Variants in DYRK4 observed in about 807,000 individuals in gnomAD.
DYRK4 encodes dual specificity tyrosine phosphorylation regulated kinase 4.
A neutral mutation model predicts 68.3 loss-of-function variants in DYRK4; 64 were observed. That is an observed-to-expected ratio of 0.94 (90% confidence interval 0.77 to 1.15). The LOEUF is 1.15. Among genes scored for constraint, DYRK4 ranks in the 50% most tolerant of loss-of-function variants. The pLI, the probability that DYRK4 is intolerant of heterozygous loss-of-function variation, is 0.00. For synonymous variants in DYRK4, 274 were observed against 289.9 expected (o/e 0.95, Z 0.56); for missense variants, 740 against 764.7 (o/e 0.97, Z 0.38).
chr12:4,574,770 C>T (rs1479950439), intron 2 of DYRK4, among the ~76,000 whole-genome samples: 1 of 152,228 alleles, frequency 6.6e-6, no homozygotes, highest in African/African-American at 2.4e-5. Context: ...CAGGTTGGAG[C>T]GCAGTGGTGC....
chr12:4,590,103 CTAG>C, intron 3 of DYRK4: 1 of 1,259,826 alleles, frequency 7.9e-7, no homozygotes, highest in Non-Finnish European at 1.0e-6. Context: ...AAGCCTGCAG[CTAG>C]TAAGTAGTAG....
intron 12 of DYRK4, 110 bp from the exon 13 acceptor site, chr12:4,610,045 T>G: frequency 1.2e-6 from 1 of 833,370 alleles, no homozygotes. Context: ...ATGAGGCGAG[T>G]GTGTAAGACA....
At chr12:4,577,263 C>T (rs1271086105) in intron 2 of DYRK4, among the ~76,000 whole-genome samples, 2 of 152,002 alleles carry the variant, frequency 1.3e-5, no homozygotes, top group African/African-American at 4.8e-5. Context: ...TTTAATAAGT[C>T]TTGCTACATT....
intron 2 of DYRK4, among the ~76,000 whole-genome samples, chr12:4,586,653 C>G (rs1212025066): frequency 6.6e-6 from 1 of 151,804 alleles, no homozygotes; most frequent in Non-Finnish European, 1.5e-5. Flanking sequence ...GTAGAGGCCA[C>G]CAGTCCTCGG....
chr12:4,579,645 G>A (rs575702867), intron 2 of DYRK4, among the ~76,000 whole-genome samples: 2 of 152,258 alleles, frequency 1.3e-5, no homozygotes, highest in Admixed American at 6.5e-5. Context: ...TATCTAAATC[G>A]ATAGAAATAG....
chr12:4,596,526 GGACCT>G, intron 7 of DYRK4, 58 bp from the exon 8 acceptor site: 2 of 1,578,890 alleles, frequency 1.3e-6, no homozygotes, highest in Non-Finnish European at 1.7e-6. Context: ...TGCTGCAGCG[GGACCT>G]GACACTGATG....
At chr12:4,566,122 C>T (rs970848180) in intron 1 of DYRK4, among the ~76,000 whole-genome samples, 3 of 152,186 alleles carry the variant, frequency 2.0e-5, no homozygotes, top group African/African-American at 7.2e-5. Flanking sequence ...ACTTCTATCC[C>T]CACTGTCAGT....
intron 11 of DYRK4, 40 bp downstream of exon 11, chr12:4,605,126 G>T: frequency 6.3e-7 from 1 of 1,586,338 alleles, no homozygotes; most frequent in South Asian, 1.1e-5. Context: ...CGGAGACCGT[G>T]GGCTTGGCCC....
At chr12:4,585,820 A>G (rs1944891357) in intron 2 of DYRK4, among the ~76,000 whole-genome samples, 1 of 152,262 alleles carries the variant, frequency 6.6e-6, no homozygotes, top group South Asian at 2.1e-4. Flanking sequence ...AAAGCAGTAC[A>G]TATTCATACA....
At chr12:4,574,199 T>C (rs939060968) in intron 2 of DYRK4, among the ~76,000 whole-genome samples, 2 of 139,352 alleles carry the variant, frequency 1.4e-5, no homozygotes, top group African/African-American at 2.7e-5. Context: ...CACCCTGGCC[T>C]GGGCGACAGA....
chr12:4,573,518 A>G (rs1420853557), intron 2 of DYRK4, among the ~76,000 whole-genome samples: 1 of 149,410 alleles, frequency 6.7e-6, no homozygotes, highest in Non-Finnish European at 1.5e-5. Flanking sequence ...AGAATTAATC[A>G]GAGCAATAGT....
intron 1 of DYRK4, among the ~76,000 whole-genome samples, chr12:4,564,022 C>T (rs1052875451): frequency 6.6e-6 from 1 of 152,132 alleles, no homozygotes; most frequent in Non-Finnish European, 1.5e-5. Context: ...GATTCTTCCC[C>T]AGGGTGGGAA....
chr12:4,567,991 T>C lies in DYRK4; in HGVS notation c.75T>C (p.Asp25=), dbSNP rs1361739538. ...ATGCTAAAAAGCCAAGGAAATGTGA[T>C]TTGACTCCCTTCCTGGTTTTGAAAG... is the stretch of plus-strand genomic sequence containing the variant. ...QMDAKKPRKC[D]LTPFLVLKAR... The change falls in exon 2 of 15, where the codon GAT becomes GAC. Residue 25 remains aspartate (D), a synonymous_variant. Transcript: ENST00000543431. The C allele has an allele frequency of 6.5e-7, 1 of 1,536,032 alleles. No individual in the cohort carries two copies. The highest frequency in any genetic ancestry group is 8.7e-7 in the Non-Finnish European group (1 of 1,146,928).
At chr12:4,594,756 G>A (rs1016308010) in intron 6 of DYRK4, among the ~76,000 whole-genome samples, 3 of 150,468 alleles carry the variant, frequency 2.0e-5, no homozygotes, top group African/African-American at 7.4e-5. Flanking sequence ...GGGACAATGT[G>A]TGTTCTCCGT....
chr12:4,612,819 T>C, intron 14 of DYRK4, 101 bp downstream of exon 14: 1 of 1,281,396 alleles, frequency 7.8e-7, no homozygotes, highest in Non-Finnish European at 1.1e-6. Flanking sequence ...CCCAGTTCTG[T>C]AGTCTGGAAA....
intron 1 of DYRK4, among the ~76,000 whole-genome samples, chr12:4,563,783 T>G (rs908588712): frequency 1.3e-5 from 2 of 152,198 alleles, no homozygotes; most frequent in African/African-American, 4.8e-5. Flanking sequence ...ATTCAAGAAC[T>G]CTTGAGTAGA....
intron 2 of DYRK4, among the ~76,000 whole-genome samples, chr12:4,576,120 A>G (rs1297952843): frequency 2.0e-5 from 3 of 152,226 alleles, no homozygotes; most frequent in African/African-American, 7.2e-5. Flanking sequence ...GTCTACTATT[A>G]TAGGATGATA....
intron 1 of DYRK4, among the ~76,000 whole-genome samples, chr12:4,565,660 C>G (rs2137314727): frequency 6.7e-6 from 1 of 149,672 alleles, no homozygotes; most frequent in East Asian, 2.0e-4. Flanking sequence ...GAGTCTTGCT[C>G]TGTTGCCCAG....
chr12:4,570,837 T>A (rs1257806165), intron 2 of DYRK4, among the ~76,000 whole-genome samples: 1 of 152,192 alleles, frequency 6.6e-6, no homozygotes, highest in Admixed American at 6.5e-5. Context: ...AGTGTGGCGC[T>A]CTCTCTAGTA....
Sources: gnomAD v4.1 joint callset for allele counts (sites outside exome capture counted in the v4.1 genomes callset) on GRCh38, gnomAD v4.1.1 for gene constraint, MANE v1.5 for transcripts, NCBI Gene and HGNC (gene_info 2026-07-23, HGNC 2026-07-21) for gene names.